Variants in ARHGAP22 observed in about 807,000 individuals in gnomAD.
ARHGAP22 encodes rho GTPase-activating protein 22.
ARHGAP22 carries 48 observed loss-of-function variants against 59.1 expected under a neutral mutation model. The ratio of observed to expected loss-of-function variants is 0.81; its 90% confidence interval spans 0.64 to 1.03. The LOEUF (loss-of-function observed/expected upper bound fraction) is 1.03, where lower values mean the gene tolerates loss of function less well. Among genes scored for constraint, ARHGAP22 ranks in the 50% least tolerant of loss-of-function variants. The probability of loss-of-function intolerance (pLI) is 0.00; values close to 1 mark genes in which losing one functional copy is unlikely to be tolerated. For synonymous variants in ARHGAP22, 445 were observed against 416.4 expected, an observed-to-expected ratio of 1.07 and a Z score of -0.84; for missense variants, 1,015 against 958.7, an observed-to-expected ratio of 1.06 and a Z score of -0.78.
At chr10:48,492,942 T>A (rs2050550011) in intron 3 of ARHGAP22, among the ~76,000 whole-genome samples, 1 of 152,234 alleles carries the variant, frequency 6.6e-6, no homozygotes, top group Non-Finnish European at 1.5e-5. Context: ...TAGCATTAAT[T>A]TCAACATGTC....
chr10:48,487,068 T>G (rs2049931427), intron 3 of ARHGAP22, among the ~76,000 whole-genome samples: 1 of 152,150 alleles, frequency 6.6e-6, no homozygotes, highest in African/African-American at 2.4e-5. Context: ...CTCACTGAAC[T>G]TCTTAGATTT....
intron 2 of ARHGAP22, among the ~76,000 whole-genome samples, chr10:48,573,086 ATT>A (rs1554923939): frequency 6.6e-6 from 1 of 152,210 alleles, no homozygotes; most frequent in Non-Finnish European, 1.5e-5. Flanking sequence ...GTTAGCTTTT[ATT>A]TAGATTCAAA....
At chr10:48,523,670 C>T (rs971221563) in intron 3 of ARHGAP22, among the ~76,000 whole-genome samples, 2 of 152,238 alleles carry the variant, frequency 1.3e-5, no homozygotes, top group African/African-American at 4.8e-5. Context: ...GTGCAGAGAC[C>T]TGCGAGCGGG....
chr10:48,604,726 T>C (rs1564985635), intron 1 of ARHGAP22, 37 bp downstream of exon 1: 3 of 1,614,186 alleles, frequency 1.9e-6, no homozygotes, highest in Admixed American at 3.3e-5. Flanking sequence ...AAGAGGCACA[T>C]GCGGTGCCCA....
intron 3 of ARHGAP22, among the ~76,000 whole-genome samples, chr10:48,500,507 G>A (rs1792090599): frequency 6.6e-6 from 1 of 152,060 alleles, no homozygotes; most frequent in African/African-American, 2.4e-5. Context: ...CTAATAAATG[G>A]GATAGGGACA....
intron 1 of ARHGAP22, 86 bp downstream of exon 1, chr10:48,604,677 A>G (rs2060579643): frequency 1.2e-5 from 19 of 1,604,424 alleles, no homozygotes; most frequent in Non-Finnish European, 1.6e-5. Context: ...CATGTGACAC[A>G]TGGCGTGACG....
At chr10:48,604,732 G>A (rs781032364) in intron 1 of ARHGAP22, 31 bp downstream of exon 1, 80 of 1,614,102 alleles carry the variant, frequency 5.0e-5, no homozygotes, top group Non-Finnish European at 6.7e-5. Context: ...CACATGCGGT[G>A]CCCAGAGAAA....
At chr10:48,613,375 A>C (rs2060965473) in intron 1 of ARHGAP22, among the ~76,000 whole-genome samples, 1 of 152,210 alleles carries the variant, frequency 6.6e-6, no homozygotes, top group African/African-American at 2.4e-5. Flanking sequence ...TTTAGTAGGA[A>C]GATGGTACGT....
At chr10:48,555,581 G>A (rs1296045764) in intron 2 of ARHGAP22, 31 bp from the exon 3 acceptor site, 2 of 1,601,894 alleles carry the variant, frequency 1.2e-6, no homozygotes, top group East Asian at 2.2e-5. Context: ...AACACAGGGA[G>A]CATGAGATGA....
At chr10:48,601,702 T>C (rs1048730682) in intron 1 of ARHGAP22, among the ~76,000 whole-genome samples, 3 of 152,208 alleles carry the variant, frequency 2.0e-5, no homozygotes, top group African/African-American at 7.2e-5. Context: ...CCACTTGAGG[T>C]ATGTTATATA....
chr10:48,524,410 C>T (rs936866889), intron 3 of ARHGAP22, among the ~76,000 whole-genome samples: 5 of 152,062 alleles, frequency 3.3e-5, no homozygotes, highest in African/African-American at 1.2e-4. Context: ...CCGGCGCCCT[C>T]CCCACGGCCC....
chr10:48,541,659 AAG>A (rs2135122653), intron 3 of ARHGAP22, among the ~76,000 whole-genome samples: 1 of 152,256 alleles, frequency 6.6e-6, no homozygotes, highest in East Asian at 1.9e-4. Context: ...TGTCACACTA[AAG>A]AGAGAGGCTG....
At chr10:48,611,293 T>C (rs980600215) in intron 1 of ARHGAP22, among the ~76,000 whole-genome samples, 1 of 152,196 alleles carries the variant, frequency 6.6e-6, no homozygotes, top group African/African-American at 2.4e-5. Context: ...GCAGGGTCCC[T>C]GCTTACAGGA....
At chr10:48,635,646 C>T (rs2061787792) in intron 1 of ARHGAP22, among the ~76,000 whole-genome samples, 1 of 152,236 alleles carries the variant, frequency 6.6e-6, no homozygotes, top group South Asian at 2.1e-4. Context: ...CTGCACTCTT[C>T]CCAGAGTCCC....
At chr10:48,438,945 C>T in the ARHGAP22 span, 9 of 152,174 alleles carry the variant, frequency 5.9e-5, no homozygotes, top group Non-Finnish European at 1.0e-4. Flanking sequence ...TTTTGTAGGC[C>T]CAATATTTGG....
At chr10:48,611,177 C>A (rs1425589609) in intron 1 of ARHGAP22, among the ~76,000 whole-genome samples, 2 of 152,180 alleles carry the variant, frequency 1.3e-5, no homozygotes, top group Non-Finnish European at 2.9e-5. Context: ...GAGTGTGGGA[C>A]TGATAGTAGC....
chr10:48,591,446 T>C (rs1589030404), intron 1 of ARHGAP22, among the ~76,000 whole-genome samples: 1 of 152,126 alleles, frequency 6.6e-6, no homozygotes, highest in Non-Finnish European at 1.5e-5. Flanking sequence ...GAAGTGAATA[T>C]GCAATGGGAG....
chr10:48,526,016 G>T (rs148787796), intron 3 of ARHGAP22, among the ~76,000 whole-genome samples: 1 of 152,232 alleles, frequency 6.6e-6, no homozygotes, highest in Non-Finnish European at 1.5e-5. Flanking sequence ...AAGGTTCTTT[G>T]TCACCCCCCA....
chr10:48,619,313 T>A (rs895497541), intron 1 of ARHGAP22, among the ~76,000 whole-genome samples: 2 of 152,076 alleles, frequency 1.3e-5, no homozygotes, highest in African/African-American at 2.4e-5. Flanking sequence ...AAAATACCAA[T>A]GACATTCTTC....
Sources: allele counts gnomAD v4.1 joint callset (sites outside exome capture counted in the v4.1 genomes callset), GRCh38; gene constraint gnomAD v4.1.1; transcripts MANE v1.5; gene names NCBI Gene and HGNC (gene_info 2026-07-23, HGNC 2026-07-21).